Variants in CCSER1 observed in about 807,000 individuals in gnomAD.
CCSER1 encodes serine-rich coiled-coil domain-containing protein 1.
A neutral mutation model predicts 82.0 loss-of-function variants in CCSER1; 41 were observed. The ratio of observed to expected loss-of-function variants is 0.50; its 90% CI spans 0.39 to 0.65. The LOEUF is 0.65. Ranked by LOEUF, CCSER1 falls within the 30% of genes least tolerant of loss-of-function variation. CCSER1 has a pLI of 0.00. For synonymous variants in CCSER1, 414 were observed against 383.9 expected (o/e 1.08, Z -0.92); for missense variants, 1,119 against 1,064.2 (o/e 1.05, Z -0.72).
intron 4 of CCSER1, among the ~76,000 whole-genome samples, chr4:90,426,100 A>G (rs1187262022): frequency 1.3e-5 from 2 of 152,140 alleles, no homozygotes; most frequent in African/African-American, 2.4e-5. Flanking sequence ...AGTGCGATAC[A>G]TGGTAGGACT....
At position 91,496,716 on chromosome 4, in the gene CCSER1, TATATAG is replaced by T. The variant is rs1303578442; in HGVS notation, c.2218-101854_2218-101849del. On this transcript the variant is annotated intron_variant, in intron 10 of 10. Coordinates refer to ENST00000509176, the MANE Select transcript of CCSER1 (RefSeq NM_001145065.2). Reference sequence around the variant, plus strand: ...ATATTCAATATATATATATATTCAATATATAGAATATATATATATATTGAATATATA... The same window carrying T: ...ATATTCAATATATATATATATTCAATAATATATATATATATTGAATATATA... Among the ~76,000 whole-genome samples, 91 of 39,824 alleles carry T rather than the reference TATATAG, an allele frequency of 2.3e-3. 20 individuals are homozygous for T. Among genetic ancestry groups the T allele is most frequent in the African/African-American group, 5.7e-3 (90 of 15,674 alleles). The allele number at this position is 39,824 out of a possible 152,430, so 26.1% of individuals were successfully genotyped here. A position where few individuals can be genotyped will look rare whatever the true frequency, so the allele number is the denominator to read the frequency against.
intron 10 of CCSER1, among the ~76,000 whole-genome samples, chr4:91,245,290 G>A (rs1169612687): frequency 3.9e-5 from 6 of 152,122 alleles, no homozygotes; most frequent in Non-Finnish European, 7.3e-5. Flanking sequence ...TCAAGTGTAA[G>A]AAGATTATAA....
intron 9 of CCSER1, among the ~76,000 whole-genome samples, chr4:91,065,201 A>G (rs1016933482): frequency 6.6e-6 from 1 of 152,160 alleles, no homozygotes; most frequent in Non-Finnish European, 1.5e-5. Flanking sequence ...AAGATTTAAG[A>G]AAGCTCCAGG....
At chr4:90,772,105 A>G (rs1178884063) in intron 7 of CCSER1, among the ~76,000 whole-genome samples, 1 of 152,176 alleles carries the variant, frequency 6.6e-6, no homozygotes, top group Non-Finnish European at 1.5e-5. Context: ...GTGTTATTCA[A>G]TAAAAAAGGA....
chr4:91,179,496 C>T (rs1733773959), intron 10 of CCSER1, among the ~76,000 whole-genome samples: 1 of 152,168 alleles, frequency 6.6e-6, no homozygotes, highest in South Asian at 2.1e-4. Context: ...AGGCTTTGTT[C>T]ATTTCTTTTT....
chr4:90,715,328 C>T (rs1741442603), intron 6 of CCSER1, among the ~76,000 whole-genome samples: 1 of 151,948 alleles, frequency 6.6e-6, no homozygotes, highest in East Asian at 1.9e-4. Context: ...AAACTAAGGA[C>T]CAATTTCTGA....
At chr4:90,303,673 T>C (rs376291439) in intron 1 of CCSER1, among the ~76,000 whole-genome samples, 4,423 of 151,516 alleles carry the variant, frequency 0.029, 164 homozygotes, top group African/African-American at 0.089. Context: ...AAGACTTAAA[T>C]GTTAGACCTA....
At chr4:91,393,986 A>G (rs1578350180) in intron 10 of CCSER1, among the ~76,000 whole-genome samples, 1 of 152,108 alleles carries the variant, frequency 6.6e-6, no homozygotes, top group East Asian at 1.9e-4. Flanking sequence ...TTGGATCTGA[A>G]AGATTTTGAA....
intron 10 of CCSER1, among the ~76,000 whole-genome samples, chr4:91,262,669 T>C (rs1243211882): frequency 6.6e-6 from 1 of 152,104 alleles, no homozygotes; most frequent in African/African-American, 2.4e-5. Flanking sequence ...TTAGAATTTT[T>C]AAAAGATCAT....
intron 5 of CCSER1, among the ~76,000 whole-genome samples, chr4:90,569,929 C>T (rs1350938560): frequency 2.0e-5 from 3 of 152,198 alleles, no homozygotes; most frequent in Non-Finnish European, 4.4e-5. Context: ...CATCTGAGTG[C>T]TTTGCTGTTG....
intron 10 of CCSER1, among the ~76,000 whole-genome samples, chr4:91,276,711 T>A (rs1301643970): frequency 6.6e-6 from 1 of 152,120 alleles, no homozygotes; most frequent in Non-Finnish European, 1.5e-5. Context: ...AAAGTGGATA[T>A]CCTTGTTTTG....
intron 10 of CCSER1, among the ~76,000 whole-genome samples, chr4:91,161,645 A>T (rs913165904): frequency 6.6e-6 from 1 of 151,852 alleles, no homozygotes; most frequent in East Asian, 1.9e-4. Context: ...ATTCCTAGGT[A>T]TTTTATTTTC....
chr4:90,196,336 G>C (rs1261746314), intron 1 of CCSER1, among the ~76,000 whole-genome samples: 1 of 151,958 alleles, frequency 6.6e-6, no homozygotes, highest in African/African-American at 2.4e-5. Context: ...GTACTGTCCA[G>C]ATCCTTTTCG....
At chr4:90,659,162 T>G (rs1730293368) in intron 6 of CCSER1, among the ~76,000 whole-genome samples, 1 of 151,172 alleles carries the variant, frequency 6.6e-6, no homozygotes, top group Non-Finnish European at 1.5e-5. Flanking sequence ...ACTCGTTGAC[T>G]CACATCAGTT....
chr4:90,942,521 GA>G (rs1731717699), intron 9 of CCSER1, among the ~76,000 whole-genome samples: 3 of 152,060 alleles, frequency 2.0e-5, no homozygotes, highest in Admixed American at 1.3e-4. Flanking sequence ...AGTCTCAAAT[GA>G]TAATAAAATA....
At chr4:91,107,065 T>C (rs1468754037) in intron 10 of CCSER1, among the ~76,000 whole-genome samples, 1 of 152,208 alleles carries the variant, frequency 6.6e-6, no homozygotes, top group Admixed American at 6.5e-5. Flanking sequence ...TTAGATATGC[T>C]TAGATACACA....
At chr4:90,586,558 C>T (rs572024079) in intron 5 of CCSER1, among the ~76,000 whole-genome samples, 11 of 152,244 alleles carry the variant, frequency 7.2e-5, no homozygotes, top group Non-Finnish European at 1.3e-4. Flanking sequence ...AGTCAGAGAA[C>T]ATTAAGAATA....
intron 1 of CCSER1, among the ~76,000 whole-genome samples, chr4:90,205,539 G>T (rs1738634657): frequency 6.6e-6 from 1 of 152,192 alleles, no homozygotes; most frequent in South Asian, 2.1e-4. Context: ...GCATCCCAGG[G>T]ATGAAGCCTA....
chr4:91,383,791 A>G (rs1161377344), intron 10 of CCSER1, among the ~76,000 whole-genome samples: 1 of 152,156 alleles, frequency 6.6e-6, no homozygotes, highest in Non-Finnish European at 1.5e-5. Flanking sequence ...TATAGCCTGA[A>G]TATTTATTTT....
Sources: allele counts gnomAD v4.1 joint callset (sites outside exome capture counted in the v4.1 genomes callset), GRCh38; gene constraint gnomAD v4.1.1; transcripts MANE v1.5; gene names NCBI Gene and HGNC (gene_info 2026-07-23, HGNC 2026-07-21).